The following HEATR5B variants were observed in gnomAD, a reference collection of about 807,000 sequenced individuals.
HEATR5B encodes HEAT repeat-containing protein 5B.
HEATR5B carries 156 observed loss-of-function variants against 224.1 expected under a neutral mutation model. The observed-to-expected ratio is 0.70, with a 90% CI of 0.61 to 0.80. The LOEUF (loss-of-function observed/expected upper bound fraction) is 0.80. HEATR5B is among the 30% of genes least tolerant of loss of function. The probability of loss-of-function intolerance (pLI) is 0.00; values close to 1 mark genes in which losing one functional copy is unlikely to be tolerated. For missense variants in HEATR5B, 2,323 were observed against 2,535.5 expected, an observed-to-expected ratio of 0.92 and a Z score of 1.80; for synonymous variants, 1,027 against 893.0, an observed-to-expected ratio of 1.15 and a Z score of -2.68.
At chr2:36,986,482 C>A (rs1238362434) in intron 35 of HEATR5B, among the ~76,000 whole-genome samples, 3 of 152,110 alleles carry the variant, frequency 2.0e-5, no homozygotes, top group Non-Finnish European at 2.9e-5. Context: ...CTATTGAAAT[C>A]GCTTTTCAAA....
chr2:37,070,291 C>T lies in HEATR5B; in HGVS notation c.866G>A (p.Gly289Asp). The T allele has an allele frequency of 6.2e-7, 1 of 1,614,164 alleles. No homozygotes were observed. Among genetic ancestry groups the T allele is most frequent in the Non-Finnish European group, 8.5e-7 (1 of 1,179,998 alleles). ...CCCTCCAACTTTTAACATTTCTCCACCGCTCTTTAAGAAACCTGACCCTCC... is the reference window on the plus strand; with the variant it reads ...CCCTCCAACTTTTAACATTTCTCCATCGCTCTTTAAGAAACCTGACCCTCC... ...LRGGSGFLKS[G>D]GEMLKVGGSV... is the part of the protein sequence containing the mutation. The change falls in exon 7 of 36, where the codon GGT (glycine) becomes GAT (aspartate). Residue 289 changes from glycine (G) to aspartate (D), a missense_variant. By Grantham distance (94) the Gly-to-Asp change is moderately conservative. Coordinates refer to ENST00000233099, the MANE Select transcript of HEATR5B (RefSeq NM_019024.3).
chr2:37,008,487 A>C (rs762399550), intron 28 of HEATR5B, 124 bp downstream of exon 28: 2 of 709,998 alleles, frequency 2.8e-6, no homozygotes, highest in Non-Finnish European at 5.0e-6. Flanking sequence ...GACAACATCA[A>C]ACTTAAGCCA....
In HEATR5B at chr2:37,028,033, C is replaced by T. The variant is rs1239765272; in HGVS notation, c.3743G>A (p.Arg1248Gln). Residue 1248 changes from arginine (R) to glutamine (Q), a missense_variant, in exon 24 of 36, where the codon CGA (arginine) becomes CAA (glutamine). By Grantham distance (43) the Arg-to-Gln change is conservative (BLOSUM62 1). Around this residue, in one of 12 missense-constraint regions of HEATR5B, gnomAD observed 339 missense variants for 378.4 expected, o/e 0.90. Coordinates refer to ENST00000233099, the MANE Select transcript of HEATR5B (RefSeq NM_019024.3). The stretch of plus-strand genomic sequence containing the variant: ...ACACAGGCAATCGGCAGCAAATACT[C>T]GAGTGGCCCAGCGAGGGGCCACAAA... ...KPFVAPRWAT[R>Q]VFAADCLCRI... is the part of the protein sequence containing the mutation. 2.5e-6 allele frequency: 4 copies of T among 1,613,980 alleles called. No individual in the cohort carries two copies. The highest frequency in any genetic ancestry group is 8.5e-7 in the Non-Finnish European group (1 of 1,179,976).
At chr2:37,014,629 T>G (rs1384779226) in intron 26 of HEATR5B, among the ~76,000 whole-genome samples, 1 of 151,516 alleles carries the variant, frequency 6.6e-6, no homozygotes, top group Non-Finnish European at 1.5e-5. Flanking sequence ...TCAACAAAAT[T>G]TCTGCTTACC....
At chr2:36,995,355 TTACAG>T (rs1252082374) in intron 33 of HEATR5B, among the ~76,000 whole-genome samples, 1 of 152,148 alleles carries the variant, frequency 6.6e-6, no homozygotes, top group Non-Finnish European at 1.5e-5. Context: ...TCCTTTGGGA[TTACAG>T]GTGTGAGCTA....
At position 36,984,200 on chromosome 2, in the gene HEATR5B, C is replaced by CAAAAAAAAAAA. The variant is rs1208435239; in HGVS notation, c.5912-2417_5912-2407dup. Among the ~76,000 whole-genome samples, 253 of 28,848 alleles carry CAAAAAAAAAAA rather than the reference C, an allele frequency of 8.8e-3. 5 individuals are homozygous for CAAAAAAAAAAA. Among genetic ancestry groups the CAAAAAAAAAAA allele is most frequent in the Non-Finnish European group, 0.01 (160 of 15,368 alleles). The allele number at this position is 28,848 out of a possible 152,430, so 18.9% of individuals were successfully genotyped here. ...GGGCAACAAGAGTGAAACTCTGTCT[C>CAAAAAAAAAAA]AAAAAAAAAAAAAAAATATATATAT... On this transcript the variant is annotated intron_variant, in intron 35 of 35. Coordinates refer to ENST00000233099, the MANE Select transcript of HEATR5B (RefSeq NM_019024.3).
chr2:37,000,197 C>A (rs911545932), intron 33 of HEATR5B, among the ~76,000 whole-genome samples: 8 of 151,880 alleles, frequency 5.3e-5, no homozygotes, highest in Admixed American at 1.3e-4. Context: ...CCTGCCTCAG[C>A]CTCCCAAGTA....
chr2:37,002,370 A>G lies in HEATR5B; in HGVS notation c.5253T>C (p.Ser1751=), dbSNP rs1356777084. The part of the protein sequence containing the change: ...IATKTRLSEE[S]ARLVAATVTI... ...TAACTGTGGCTGCCACCAAACGAGC[A>G]CTTTCTTCTGATAGTCGAGTTTTAG... Residue 1751 remains serine, a synonymous_variant, in exon 32 of 36, where the codon AGT becomes AGC. Coordinates refer to ENST00000233099, the MANE Select transcript of HEATR5B (RefSeq NM_019024.3). 4 of 1,614,112 alleles carry G rather than the reference A, an allele frequency of 2.5e-6. No homozygotes were observed. The highest frequency in any genetic ancestry group is 3.4e-6 in the Non-Finnish European group (4 of 1,180,042).
chr2:37,058,655 C>G lies in HEATR5B; in HGVS notation c.1950-95G>C, dbSNP rs1386536814. 4 of 823,714 alleles carry G rather than the reference C, an allele frequency of 4.9e-6. No individual in the cohort carries two copies. In the East Asian group the frequency reaches 7.8e-5, roughly 16 times the overall value. The allele number at this position is 823,714 out of a possible 1,614,324, so 51.0% of individuals were successfully genotyped here. A position where few individuals can be genotyped will look rare whatever the true frequency, so the allele number is the denominator to read the frequency against. ...TGTATCAATGTACTGCCAAACTACA[C>G]TGATAAGTATACACTTTCATTTTAG... On this transcript the variant is annotated intron_variant, in intron 13 of 35. Coordinates refer to ENST00000233099, the MANE Select transcript of HEATR5B (RefSeq NM_019024.3).
chr2:36,992,970 C>T (rs1392192870), intron 33 of HEATR5B, among the ~76,000 whole-genome samples: 1 of 152,160 alleles, frequency 6.6e-6, no homozygotes, highest in East Asian at 1.9e-4. Flanking sequence ...AGCAACCCTC[C>T]CACCTTGGCC....
chr2:37,030,438 G>A (rs777763849), intron 22 of HEATR5B, among the ~76,000 whole-genome samples: 1 of 152,042 alleles, frequency 6.6e-6, no homozygotes, highest in Non-Finnish European at 1.5e-5. Flanking sequence ...AATAAATTAA[G>A]GGAAAATTAA....
At position 37,023,459 on chromosome 2, in the gene HEATR5B, T is replaced by C. The variant is rs529910332; in HGVS notation, c.3854-2623A>G. On this transcript the variant is annotated intron_variant, in intron 24 of 35. Transcript: ENST00000233099. ...ATGTGCCTACCAAAAAAACTAATTT[T>C]AGAATCTTGAGTTTAAAAAGAATAT... Among the ~76,000 whole-genome samples, 29 of 152,322 alleles carry C rather than the reference T, an allele frequency of 1.9e-4. No homozygotes were observed. In the South Asian group the frequency reaches 4.1e-3, roughly 22 times the overall value.
intron 5 of HEATR5B, among the ~76,000 whole-genome samples, chr2:37,072,874 T>C (rs982361966): frequency 1.3e-5 from 2 of 152,126 alleles, no homozygotes; most frequent in Non-Finnish European, 2.9e-5. Context: ...GCCAATAAAA[T>C]TGACAACTTA....
At chr2:37,039,676 G>A (rs1437268844) in intron 20 of HEATR5B, among the ~76,000 whole-genome samples, 5 of 152,120 alleles carry the variant, frequency 3.3e-5, no homozygotes, top group Non-Finnish European at 7.3e-5. Flanking sequence ...AAATGACAAA[G>A]GAGAAAAAGG....
At position 36,981,637 on chromosome 2, in the gene HEATR5B, T is replaced by G. The variant is rs766642193; in HGVS notation, c.6069A>C (p.Thr2023=). 6 of 1,614,058 alleles carry G rather than the reference T, an allele frequency of 3.7e-6. No individual in the cohort carries two copies. The East Asian group carries it at 1.3e-4, about 36-fold the overall frequency. ...TCAACTCAGGAGCAGCCCCCATTAC[T>G]GTCTTGAAAGCATGTGGATACAGAG... ...IGPLYPHAFK[T]VMGAAPELKV... The change falls in exon 36 of 36, where the codon ACA becomes ACC. Residue 2023 remains threonine, a synonymous_variant. Coordinates refer to ENST00000233099, the MANE Select transcript of HEATR5B (RefSeq NM_019024.3).
chr2:37,000,791 T>G lies in HEATR5B; in HGVS notation c.5340A>C (p.Thr1780=). 6.2e-7 allele frequency: 1 copy of G among 1,613,648 alleles called. No individual in the cohort carries two copies. The highest frequency in any genetic ancestry group is 1.1e-5 in the South Asian group (1 of 91,078). ...ATATTCTTGCAATTAAGAACAGAAT[T>G]GTGGGCAGGATTGTCATACATCCTG... ...SPAGCMTILP[T]ILFLIARILK... The change falls in exon 33 of 36, where the codon ACA becomes ACC. Residue 1780 remains threonine, a synonymous_variant. Coordinates refer to ENST00000233099, the MANE Select transcript of HEATR5B (RefSeq NM_019024.3).
chr2:36,994,386 A>T (rs1445611869), intron 33 of HEATR5B, among the ~76,000 whole-genome samples: 1 of 152,238 alleles, frequency 6.6e-6, no homozygotes. Flanking sequence ...ACATGTTCAC[A>T]TGCATACATA....
At chr2:37,034,777 C>G (rs1013897666) in intron 21 of HEATR5B, among the ~76,000 whole-genome samples, 1 of 151,972 alleles carries the variant, frequency 6.6e-6, no homozygotes, top group Admixed American at 6.6e-5. Flanking sequence ...AGGCTGGTGT[C>G]AAACTCCTGC....
chr2:37,013,971 A>T lies in HEATR5B; in HGVS notation c.4154T>A (p.Leu1385His), dbSNP rs1347212453. 1 of 1,609,314 alleles carries T rather than the reference A, an allele frequency of 6.2e-7. No homozygotes were observed. The highest frequency in any genetic ancestry group is 1.1e-5 in the South Asian group (1 of 90,006). The change falls in exon 27 of 36, where the codon CTC becomes CAC. Residue 1385 changes from leucine to histidine, a missense_variant. This residue lies in a region of HEATR5B where 339 missense variants were observed against 378.4 expected (regional missense o/e 0.90). Transcript: ENST00000233099. ...GSGVVSDLND[L>H]RRVHNLLVSS... ...AACAAGAAGATTGTGTACTCGACGG[A>T]GATCATTGAGATCACTGACAACTCC...
Sources: allele counts gnomAD v4.1 joint callset (sites outside exome capture counted in the v4.1 genomes callset), GRCh38; gene constraint gnomAD v4.1.1; regional missense constraint gnomAD v4.1.1; transcripts MANE v1.5; gene names NCBI Gene and HGNC (gene_info 2026-07-23, HGNC 2026-07-21).